The following TAFA4 variants were observed in gnomAD, a reference collection of about 807,000 sequenced individuals.
TAFA4 encodes the protein TAFA chemokine like family member 4, also known as chemokine-like protein TAFA-4.
TAFA4 carries 20 observed loss-of-function variants against 21.1 expected under a neutral mutation model. The observed-to-expected ratio is 0.95, with a 90% CI of 0.67 to 1.38. TAFA4 has a LOEUF of 1.38. Among genes scored for constraint, TAFA4 ranks in the 40% most tolerant of loss-of-function variants. TAFA4 has a pLI of 0.00. For missense variants in TAFA4, 211 were observed against 180.9 expected (o/e 1.17, Z -0.95); for synonymous variants, 71 against 67.4 (o/e 1.05, Z -0.26).
intron 3 of TAFA4, among the ~76,000 whole-genome samples, chr3:68,791,211 C>G (rs751747333): frequency 2.6e-5 from 4 of 152,122 alleles, no homozygotes; most frequent in Admixed American, 6.5e-5. Context: ...AGTCCTAATC[C>G]CTGTAAATGT....
At chr3:68,762,662 AGTCT>A (rs1326948673) in intron 3 of TAFA4, among the ~76,000 whole-genome samples, 4 of 152,342 alleles carry the variant, frequency 2.6e-5, no homozygotes, top group African/African-American at 9.6e-5. Flanking sequence ...TGTCCTGTTA[AGTCT>A]GTCTATCTCT....
At chr3:68,849,579 C>T (rs945984166) in intron 3 of TAFA4, among the ~76,000 whole-genome samples, 3 of 152,162 alleles carry the variant, frequency 2.0e-5, no homozygotes, top group Non-Finnish European at 4.4e-5. Context: ...TTGGACCCTT[C>T]GGACTAGCCC....
intron 3 of TAFA4, among the ~76,000 whole-genome samples, chr3:68,852,471 G>T (rs1016958073): frequency 1.3e-5 from 2 of 152,114 alleles, no homozygotes; most frequent in African/African-American, 4.8e-5. Context: ...CATTAGCGAG[G>T]CTCCTTGGCT....
chr3:68,792,997 T>C (rs1703391290), intron 3 of TAFA4, among the ~76,000 whole-genome samples: 1 of 152,150 alleles, frequency 6.6e-6, no homozygotes, highest in South Asian at 2.1e-4. Flanking sequence ...ACTGCTTCCA[T>C]GAGATCAAGG....
chr3:68,924,147 A>C (rs981183894), intron 1 of TAFA4, among the ~76,000 whole-genome samples: 1 of 152,246 alleles, frequency 6.6e-6, no homozygotes, highest in African/African-American at 2.4e-5. Flanking sequence ...AAAGCACTAA[A>C]GGCAGAACTA....
chr3:68,918,374 A>T (rs1191005530), intron 1 of TAFA4, among the ~76,000 whole-genome samples: 3 of 152,144 alleles, frequency 2.0e-5, no homozygotes, highest in African/African-American at 7.2e-5. Flanking sequence ...CTACCTCCAG[A>T]TAGATTTTCA....
intron 3 of TAFA4, among the ~76,000 whole-genome samples, chr3:68,798,574 T>C (rs1162108705): frequency 1.3e-5 from 2 of 152,200 alleles, no homozygotes; most frequent in Non-Finnish European, 2.9e-5. Flanking sequence ...CATTGCTCAT[T>C]TGGGGTATGC....
At chr3:68,849,678 T>C (rs1704896443) in intron 3 of TAFA4, among the ~76,000 whole-genome samples, 1 of 152,206 alleles carries the variant, frequency 6.6e-6, no homozygotes, top group Non-Finnish European at 1.5e-5. Flanking sequence ...TCTATAATCA[T>C]GACGTATAAT....
In TAFA4 at chr3:68,802,454, TA is replaced by T. The variant is rs11410576; in HGVS notation, c.131-49437del. Among the ~76,000 whole-genome samples the T allele has an allele frequency of 9.6e-3, 1,384 of 144,156 alleles. 19 individuals carry two copies. The highest frequency in any genetic ancestry group is 0.028 in the African/African-American group (1,096 of 39,256). 94.6% of individuals were successfully genotyped at this position (144,156 alleles called of 152,430 possible). A position where few individuals can be genotyped will look rare whatever the true frequency, so the allele number is the denominator to read the frequency against. On this transcript the variant is annotated intron_variant, in intron 3 of 5. Coordinates refer to ENST00000295569, the MANE Select transcript of TAFA4 (RefSeq NM_182522.5). ...GGGGGTTGGCAGGAAGGATAATTGT[TA>T]AAAAAAAAAAAAGTACCAAGTTTCA...
intron 3 of TAFA4, among the ~76,000 whole-genome samples, chr3:68,867,143 C>G (rs62256106): frequency 1.3e-5 from 2 of 151,774 alleles, no homozygotes; most frequent in Non-Finnish European, 2.9e-5. Flanking sequence ...TAATCAAACT[C>G]TCAAAGGTCA....
intron 3 of TAFA4, among the ~76,000 whole-genome samples, chr3:68,872,764 G>T (rs1216466537): frequency 6.6e-6 from 1 of 152,086 alleles, no homozygotes; most frequent in Non-Finnish European, 1.5e-5. Flanking sequence ...CTCATTTCAT[G>T]TCACAAAAAT....
intron 3 of TAFA4, among the ~76,000 whole-genome samples, chr3:68,876,246 G>A (rs1314504944): frequency 6.6e-6 from 1 of 151,952 alleles, no homozygotes; most frequent in African/African-American, 2.4e-5. Flanking sequence ...TTTTTTCAGC[G>A]CAGCTTTATA....
chr3:68,796,069 T>A (rs1194420268), intron 3 of TAFA4, among the ~76,000 whole-genome samples: 1 of 152,086 alleles, frequency 6.6e-6, no homozygotes, highest in Non-Finnish European at 1.5e-5. Flanking sequence ...GGAGTCTCTC[T>A]CTGTGCTGAG....
chr3:68,816,895 G>A (rs1483517235), intron 3 of TAFA4, among the ~76,000 whole-genome samples: 1 of 152,108 alleles, frequency 6.6e-6, no homozygotes, highest in Non-Finnish European at 1.5e-5. Context: ...AATAATTTGA[G>A]CCTTCAATAT....
chr3:68,790,862 G>T (rs1421182785), intron 3 of TAFA4, among the ~76,000 whole-genome samples: 3 of 152,120 alleles, frequency 2.0e-5, no homozygotes, highest in Admixed American at 6.6e-5. Context: ...TTGCTCTCTG[G>T]CCCACTTCCT....
rs542259126 is a variant in TAFA4, at chr3:68,804,574, A to G, written c.131-51556T>C. Among the ~76,000 whole-genome samples the G allele has an allele frequency of 2.0e-5, 3 of 152,324 alleles. No individual in the cohort carries two copies. The South Asian group carries it at 6.2e-4, about 32-fold the overall frequency. The stretch of plus-strand genomic sequence containing the variant: ...ACTATACTACAAGGCTATAGTAACC[A>G]AAACAGCATGGTACTGGTACCAAAA... On this transcript the variant is annotated intron_variant, in intron 3 of 5. Coordinates refer to ENST00000295569, the MANE Select transcript of TAFA4 (RefSeq NM_182522.5).
intron 5 of TAFA4, among the ~76,000 whole-genome samples, chr3:68,738,560 A>AC (rs1424746121): frequency 1.3e-5 from 2 of 152,200 alleles, no homozygotes; most frequent in African/African-American, 4.8e-5. Flanking sequence ...AACCAACTGA[A>AC]CATAGGAAGA....
intron 3 of TAFA4, among the ~76,000 whole-genome samples, chr3:68,783,386 C>A (rs1297320339): frequency 6.6e-6 from 1 of 152,118 alleles, no homozygotes; most frequent in Non-Finnish European, 1.5e-5. Context: ...AGTCTCAGAA[C>A]CAGATAGACA....
chr3:68,877,817 C>A (rs1172469635), intron 3 of TAFA4, among the ~76,000 whole-genome samples: 1 of 152,190 alleles, frequency 6.6e-6, no homozygotes, highest in African/African-American at 2.4e-5. Context: ...GGAATGCGAA[C>A]CTTTCCACAC....
Sources: allele counts gnomAD v4.1 joint callset (sites outside exome capture counted in the v4.1 genomes callset), GRCh38; gene constraint gnomAD v4.1.1; transcripts MANE v1.5; gene names NCBI Gene and HGNC (gene_info 2026-07-23, HGNC 2026-07-21).